The following TIMM21 variants were observed in gnomAD, a reference collection of about 807,000 sequenced individuals.
The protein encoded by TIMM21 is mitochondrial import inner membrane translocase subunit Tim21.
A neutral mutation model predicts 27.7 loss-of-function variants in TIMM21; 30 were observed. That is an observed-to-expected ratio of 1.08 (90% CI 0.81 to 1.47). The LOEUF is 1.47. TIMM21 is among the 40% of genes most tolerant of loss of function. The pLI, the probability that TIMM21 is intolerant of heterozygous loss-of-function variation, is 0.00. For synonymous variants in TIMM21, 121 were observed against 114.4 expected, an observed-to-expected ratio of 1.06 and a Z score of -0.37; for missense variants, 292 against 302.9, an observed-to-expected ratio of 0.96 and a Z score of 0.27.
chr18:74,158,017 A>G lies in TIMM21; in HGVS notation c.466A>G (p.Ile156Val). ...AAGCACTGTCCTTGTTCTGCAGGTG[A>G]TCGGTGTCTTTGGTGAGTCTGTTAA... ...LEKCRSHPEV[I>V]GVFGESVKGY... The change falls in exon 4 of 6, where the codon ATC (isoleucine) becomes GTC (valine). Residue 156 changes from isoleucine to valine, a missense_variant. Transcript: ENST00000169551. The G allele has an allele frequency of 6.2e-7, 1 of 1,614,146 alleles. No homozygotes were observed. The highest frequency in any genetic ancestry group is 8.5e-7 in the Non-Finnish European group (1 of 1,180,012).
At position 74,150,817 on chromosome 18, in the gene TIMM21, G is replaced by A. The variant is rs147821164; in HGVS notation, c.301+1708G>A. On this transcript the variant is annotated intron_variant, in intron 1 of 5. Transcript: ENST00000169551. ...GACCGTGATGGGGATCGCCATGCCT[G>A]TATCTAAGGTCTCTAAGAATACTCT... 7.5e-3 allele frequency among the ~76,000 whole-genome samples: 1,147 copies of A among 152,268 alleles called. 11 individuals carry two copies. Among genetic ancestry groups the A allele is most frequent in the African/African-American group, 0.024 (977 of 41,542 alleles).
chr18:74,157,552 C>A, intron 3 of TIMM21: 1 of 154,746 alleles, frequency 6.5e-6, no homozygotes. Context: ...TATAATAACC[C>A]TTTTTTCAGT....
Position 74,148,924 on chromosome 18 carries a change from CCA to C in TIMM21, c.117_118del (p.Ser40PhefsTer15). 1 of 1,614,116 alleles carries C rather than the reference CCA, an allele frequency of 6.2e-7. No individual in the cohort carries two copies. On this transcript the variant is annotated frameshift_variant, in exon 1 of 6. Coordinates refer to ENST00000169551, the MANE Select transcript of TIMM21 (RefSeq NM_014177.3). LOFTEE classifies it high-confidence loss of function. The stretch of plus-strand genomic sequence containing the variant: ...AACAAAGCGTGCTTGAAGACTGAGC[CCA>C]GTTTGAGATGTGGGCTTCAATATCA...
chr18:74,153,720 G>C (rs1448165959), intron 1 of TIMM21, among the ~76,000 whole-genome samples: 1 of 152,164 alleles, frequency 6.6e-6, no homozygotes, highest in East Asian at 1.9e-4. Flanking sequence ...ATTGTGATAC[G>C]CTAAAGACTA....
intron 1 of TIMM21, among the ~76,000 whole-genome samples, chr18:74,149,783 A>G (rs904849659): frequency 6.6e-6 from 1 of 152,234 alleles, no homozygotes. Flanking sequence ...GCACGAAGGA[A>G]CAACCTGTAT....
rs1979682683 is a variant in TIMM21 at position 74,148,747 on chromosome 18, A to G, written c.-62A>G. On this transcript the variant is annotated 5_prime_UTR_variant, in exon 1 of 6. Transcript: ENST00000169551. ...TACGTGTCCGGCCGCATGTGTAGTG[A>G]ACCCTAAAGCTTTCCTAATTGTAGT... is the stretch of plus-strand genomic sequence containing the variant. 1 of 1,528,362 alleles carries G rather than the reference A, an allele frequency of 6.5e-7. No individual in the cohort carries two copies. The highest frequency in any genetic ancestry group is 1.2e-5 in the South Asian group (1 of 81,950). 94.7% of individuals were successfully genotyped at this position (1,528,362 alleles called of 1,614,324 possible).
At chr18:74,149,316 T>A (rs1469832614) in intron 1 of TIMM21, among the ~76,000 whole-genome samples, 1 of 152,254 alleles carries the variant, frequency 6.6e-6, no homozygotes, top group Admixed American at 6.5e-5. Context: ...ATCTTGAATT[T>A]GATATAACTT....
At position 74,148,661 on chromosome 18, in the gene TIMM21, A is replaced by G. The variant is rs1367885695; in HGVS notation, c.-148A>G. The stretch of plus-strand genomic sequence containing the variant: ...CCCTGGAGACTTTTCGTTTTCATTT[A>G]CGCTGCGGAAACTGACGTTTTTGCC... On this transcript the variant is annotated 5_prime_UTR_variant, in exon 1 of 6. Coordinates refer to ENST00000169551, the MANE Select transcript of TIMM21 (RefSeq NM_014177.3). The G allele has an allele frequency of 2.7e-6, 2 of 733,566 alleles. No individual in the cohort carries two copies. The highest frequency in any genetic ancestry group is 3.5e-5 in the African/African-American group (2 of 57,328). 45.4% of individuals were successfully genotyped at this position (733,566 alleles called of 1,614,324 possible). A position where few individuals can be genotyped will look rare whatever the true frequency, so the allele number is the denominator to read the frequency against.
chr18:74,153,099 G>A (rs1023137175), intron 1 of TIMM21, among the ~76,000 whole-genome samples: 3 of 152,174 alleles, frequency 2.0e-5, no homozygotes, highest in African/African-American at 4.8e-5. Flanking sequence ...ACCCACTATA[G>A]GAGGGGTAGA....
chr18:74,155,309 G>T lies in TIMM21; in HGVS notation c.368G>T (p.Gly123Val), dbSNP rs200031543. 132 of 1,613,128 alleles carry T rather than the reference G, an allele frequency of 8.2e-5. No individual in the cohort carries two copies. The highest frequency in any genetic ancestry group is 1.1e-4 in the Non-Finnish European group (126 of 1,179,798). The change falls in exon 3 of 6, where the codon GGC (glycine) becomes GTC (valine). Residue 123 changes from glycine (G) to valine (V), a missense_variant. Coordinates refer to ENST00000169551, the MANE Select transcript of TIMM21 (RefSeq NM_014177.3). ...VVLFGISITG[G>V]LFYTIFKELF... ...TCTTTGTTTTCTGTGATTTCAGGTG[G>T]CTTGTTTTACACGATTTTCAAAGAA...
At position 74,148,614 on chromosome 18, in the gene TIMM21, G is replaced by A; in HGVS notation, c.-195G>A. 1.9e-6 allele frequency: 1 copy of A among 537,774 alleles called. No individual in the cohort carries two copies. Among genetic ancestry groups the A allele is most frequent in the Non-Finnish European group, 3.3e-6 (1 of 301,208 alleles). 33.3% of individuals were successfully genotyped at this position (537,774 alleles called of 1,614,324 possible). A position where few individuals can be genotyped will look rare whatever the true frequency, so the allele number is the denominator to read the frequency against. ...TAATTAAAATGGAAAGAAGACAGAA[G>A]GGAAGGTAGACATCAGGTTCTCCCT... On this transcript the variant is annotated 5_prime_UTR_variant, in exon 1 of 6. Coordinates refer to ENST00000169551, the MANE Select transcript of TIMM21 (RefSeq NM_014177.3).
rs527334531 is a variant in TIMM21, at chr18:74,154,957, C to A, written c.302-188C>A. 35 of 609,908 alleles carry A rather than the reference C, an allele frequency of 5.7e-5. 1 individual carries two copies. The highest frequency in any genetic ancestry group is 4.4e-4 in the Middle Eastern group (1 of 2,290). The allele number at this position is 609,908 out of a possible 1,614,324, so 37.8% of individuals were successfully genotyped here. A position where few individuals can be genotyped will look rare whatever the true frequency, so the allele number is the denominator to read the frequency against. On this transcript the variant is annotated intron_variant, in intron 1 of 5. Transcript: ENST00000169551. ...CTAAATTAAAACATAGATTCCCAAG[C>A]CCTGCTCTGAGAATTCTGCTGAGGC...
Position 74,158,823 on chromosome 18 carries a change from G to A in TIMM21, c.*343G>A. On this transcript the variant is annotated 3_prime_UTR_variant, in exon 6 of 6. Coordinates refer to ENST00000169551, the MANE Select transcript of TIMM21 (RefSeq NM_014177.3). The stretch of plus-strand genomic sequence containing the variant: ...ATTTTATATTATAGAACTGCATAAT[G>A]TCTGCAGAATAAAATTAAAACTAAC... 1 of 208,698 alleles carries A rather than the reference G, an allele frequency of 4.8e-6. No individual in the cohort carries two copies. The highest frequency in any genetic ancestry group is 9.6e-6 in the Non-Finnish European group (1 of 104,332). 12.9% of individuals were successfully genotyped at this position (208,698 alleles called of 1,614,324 possible).
intron 1 of TIMM21, among the ~76,000 whole-genome samples, chr18:74,150,881 A>C (rs1979782749): frequency 1.3e-5 from 2 of 152,118 alleles, no homozygotes; most frequent in Non-Finnish European, 2.9e-5. Context: ...TTAATTTCCT[A>C]TCTTGGTCAC....
At chr18:74,149,460 T>C (rs968695106) in intron 1 of TIMM21, among the ~76,000 whole-genome samples, 9 of 152,142 alleles carry the variant, frequency 5.9e-5, no homozygotes, top group African/African-American at 2.2e-4. Context: ...CTTTCACATG[T>C]TACCTGCAGT....
At chr18:74,149,580 A>G (rs1979737267) in intron 1 of TIMM21, among the ~76,000 whole-genome samples, 1 of 151,696 alleles carries the variant, frequency 6.6e-6, no homozygotes, top group Non-Finnish European at 1.5e-5. Flanking sequence ...TTCGCATGTG[A>G]TTTGTAGGAA....
At chr18:74,151,347 A>G (rs1336577217) in intron 1 of TIMM21, among the ~76,000 whole-genome samples, 1 of 152,198 alleles carries the variant, frequency 6.6e-6, no homozygotes, top group Non-Finnish European at 1.5e-5. Flanking sequence ...ATGACTGTGT[A>G]ATTCAGAAGT....
intron 1 of TIMM21, among the ~76,000 whole-genome samples, chr18:74,154,146 C>T (rs968730014): frequency 3.3e-5 from 5 of 152,130 alleles, no homozygotes; most frequent in African/African-American, 7.2e-5. Context: ...GAGGGACAAT[C>T]GGGAATCTAG....
At chr18:74,150,956 C>G (rs1979785442) in intron 1 of TIMM21, among the ~76,000 whole-genome samples, 1 of 152,188 alleles carries the variant, frequency 6.6e-6, no homozygotes, top group Admixed American at 6.5e-5. Flanking sequence ...AACCCACTTC[C>G]AAAGGAACTA....
Sources: allele counts gnomAD v4.1 joint callset (sites outside exome capture counted in the v4.1 genomes callset), GRCh38; gene constraint gnomAD v4.1.1; transcripts MANE v1.5; gene names NCBI Gene and HGNC (gene_info 2026-07-23, HGNC 2026-07-21).